PTCSC3: variants seen among roughly 807,000 people sequenced by gnomAD.
PTCSC3 encodes papillary thyroid carcinoma susceptibility candidate 3.
intron 1 of PTCSC3, among the ~76,000 whole-genome samples, chr14:36,170,501 A>T (rs1249101562): frequency 6.6e-6 from 1 of 152,094 alleles, no homozygotes; most frequent in Non-Finnish European, 1.5e-5. Flanking sequence ...TCTTTATATT[A>T]CTGTAAGCAT....
At chr14:36,156,034 C>A (rs1157722982) in intron 2 of PTCSC3, among the ~76,000 whole-genome samples, 2 of 152,134 alleles carry the variant, frequency 1.3e-5, no homozygotes, top group African/African-American at 4.8e-5. Flanking sequence ...TGGGGGTTTC[C>A]CCTCATGACA....
chr14:36,153,127 A>T (rs1881759015), intron 3 of PTCSC3, among the ~76,000 whole-genome samples: 1 of 152,178 alleles, frequency 6.6e-6, no homozygotes, highest in Admixed American at 6.5e-5. Flanking sequence ...TTTGATTTGC[A>T]GATGGCTGTC....
intron 3 of PTCSC3, among the ~76,000 whole-genome samples, chr14:36,139,135 AAAAAAGAAAT>A (rs1474494964): frequency 3.3e-5 from 5 of 150,138 alleles, no homozygotes; most frequent in African/African-American, 1.2e-4. Flanking sequence ...AAAAAAAAAA[AAAAAAGAAAT>A]GCATATATGT....
At chr14:36,176,543 G>T (rs116680604), upstream of PTCSC3, 2 of 151,774 alleles carry the variant, frequency 1.3e-5, no homozygotes, top group Non-Finnish European at 2.9e-5. Flanking sequence ...TATTTTTTCT[G>T]GGCCATCACC....
At chr14:36,149,021 G>A (rs1881662365) in intron 3 of PTCSC3, among the ~76,000 whole-genome samples, 1 of 150,922 alleles carries the variant, frequency 6.6e-6, no homozygotes, top group African/African-American at 2.4e-5. Context: ...ATTTTTATTA[G>A]CTCTTTTCTT....
intron 2 of PTCSC3, among the ~76,000 whole-genome samples, chr14:36,157,101 C>T (rs534410782): frequency 1.3e-5 from 2 of 152,330 alleles, no homozygotes; most frequent in East Asian, 3.9e-4. Flanking sequence ...TTCATGATCA[C>T]CATTCTAACT....
intron 2 of PTCSC3, among the ~76,000 whole-genome samples, chr14:36,155,133 G>T (rs979736557): frequency 4.6e-5 from 7 of 151,972 alleles, no homozygotes; most frequent in African/African-American, 1.7e-4. Context: ...AGATTAAATG[G>T]CCAAAGAGCT....
chr14:36,171,678 CG>C (rs1314471948), intron 1 of PTCSC3, among the ~76,000 whole-genome samples: 6 of 151,996 alleles, frequency 3.9e-5, no homozygotes, highest in Non-Finnish European at 7.4e-5. Flanking sequence ...GTTTCAACCC[CG>C]GGGGAAAATA....
chr14:36,139,337 C>G (rs1238558708), intron 3 of PTCSC3, among the ~76,000 whole-genome samples: 5 of 152,036 alleles, frequency 3.3e-5, no homozygotes, highest in African/African-American at 1.2e-4. Context: ...AAGAACAAAG[C>G]CAGATGTAAA....
intron 2 of PTCSC3, among the ~76,000 whole-genome samples, chr14:36,157,367 G>A (rs986012455): frequency 1.3e-5 from 2 of 152,152 alleles, no homozygotes; most frequent in East Asian, 1.9e-4. Flanking sequence ...CACTCTGATG[G>A]TAGTTTCTTT....
At chr14:36,171,069 C>T (rs1882183580) in intron 1 of PTCSC3, among the ~76,000 whole-genome samples, 1 of 152,140 alleles carries the variant, frequency 6.6e-6, no homozygotes, top group African/African-American at 2.4e-5. Context: ...AGGAACTTAA[C>T]TACCAATTAT....
At chr14:36,152,727 C>G (rs909470629) in intron 3 of PTCSC3, among the ~76,000 whole-genome samples, 13 of 151,686 alleles carry the variant, frequency 8.6e-5, no homozygotes, top group African/African-American at 3.1e-4. Flanking sequence ...AACCCTTTCT[C>G]TACTAAAAAT....
At chr14:36,170,397 A>G (rs1882169753) in intron 1 of PTCSC3, among the ~76,000 whole-genome samples, 1 of 152,110 alleles carries the variant, frequency 6.6e-6, no homozygotes, top group South Asian at 2.1e-4. Context: ...TAAGATTTTC[A>G]TTTGCTCATT....
chr14:36,146,335 T>A (rs1235556138), intron 3 of PTCSC3, among the ~76,000 whole-genome samples: 1 of 147,762 alleles, frequency 6.8e-6, no homozygotes, highest in Non-Finnish European at 1.5e-5. Context: ...GCTTTATGAA[T>A]CTGGGTGCTC....
At chr14:36,145,966 G>T (rs1307969369) in intron 3 of PTCSC3, among the ~76,000 whole-genome samples, 4 of 152,052 alleles carry the variant, frequency 2.6e-5, no homozygotes, top group Admixed American at 2.0e-4. Flanking sequence ...ATGTAGTTGA[G>T]CGGTTTTGAG....
chr14:36,170,029 G>A (rs1034925971), intron 1 of PTCSC3, among the ~76,000 whole-genome samples: 2 of 152,130 alleles, frequency 1.3e-5, no homozygotes. Context: ...TGGGAAATGG[G>A]CAGTGTTCTT....
At chr14:36,163,359 CTT>C (rs1387612846) in intron 1 of PTCSC3, among the ~76,000 whole-genome samples, 1 of 151,862 alleles carries the variant, frequency 6.6e-6, no homozygotes, top group Non-Finnish European at 1.5e-5. Flanking sequence ...CTCTTCTCAC[CTT>C]TATTTCCTAT....
At chr14:36,150,790 A>ATACAT (rs1370108710) in intron 3 of PTCSC3, among the ~76,000 whole-genome samples, 2 of 152,196 alleles carry the variant, frequency 1.3e-5, no homozygotes, top group African/African-American at 2.4e-5. Flanking sequence ...GGAAGTGCAA[A>ATACAT]TACATTATAA....
At position 36,165,542 on chromosome 14, in the gene PTCSC3, TA is replaced by T. The variant is rs149624041; in HGVS notation, n.172-2860del. On this transcript the variant is annotated intron_variant and non_coding_transcript_variant, in intron 1 of 3. Coordinates refer to ENST00000556013, the Ensembl canonical transcript of PTCSC3. ...AAATAAATCCCTTGTTTGCAATCTA[TA>T]AAAAAAAAAAGCAGTTAAATTTAAG... is the stretch of plus-strand genomic sequence containing the variant. Among the ~76,000 whole-genome samples, 700 of 142,126 alleles carry T rather than the reference TA, an allele frequency of 4.9e-3. 4 individuals carry two copies. Among genetic ancestry groups the T allele is most frequent in the South Asian group, 0.015 (68 of 4,480 alleles). 93.2% of individuals were successfully genotyped at this position (142,126 alleles called of 152,430 possible).
Sources: gnomAD v4.1 joint callset for allele counts (sites outside exome capture counted in the v4.1 genomes callset) on GRCh38, gnomAD v4.1.1 for gene constraint, MANE v1.5 for transcripts, NCBI Gene and HGNC (gene_info 2026-07-23, HGNC 2026-07-21) for gene names.